The following CCDC3 variants were observed in gnomAD, a reference collection of about 807,000 sequenced individuals.
CCDC3 encodes the protein coiled-coil domain containing 3.
CCDC3 carries 24 observed loss-of-function variants against 21.4 expected under a neutral mutation model. The observed-to-expected ratio is 1.12, with a 90% CI of 0.81 to 1.58. The LOEUF is 1.58. CCDC3 is among the 40% of genes most tolerant of loss of function. CCDC3 has a pLI of 0.00. For missense variants in CCDC3, 425 were observed against 360.9 expected, an observed-to-expected ratio of 1.18 and a Z score of -1.44; for synonymous variants, 186 against 166.0, an observed-to-expected ratio of 1.12 and a Z score of -0.93.
intron 2 of CCDC3, among the ~76,000 whole-genome samples, chr10:12,959,030 T>C (rs2668902): frequency 0.86 from 130,690 of 152,114 alleles, 57,392 homozygotes; most frequent in East Asian, 1. Context: ...CTGACAAAAA[T>C]AGCAGGTGTC....
chr10:13,077,438 G>A (rs1259283557), intron 3 of CCDC3, among the ~76,000 whole-genome samples: 1 of 152,132 alleles, frequency 6.6e-6, no homozygotes, highest in African/African-American at 2.4e-5. Context: ...TACTGCCCAA[G>A]GTAATTTATA....
intron 2 of CCDC3, among the ~76,000 whole-genome samples, chr10:12,931,209 A>C (rs1184944738): frequency 1.5e-4 from 2 of 13,446 alleles, no homozygotes; most frequent in African/African-American, 1.0e-3. Flanking sequence ...AGACTCTGTC[A>C]AAAAAAAAAA....
At chr10:12,957,854 A>AT (rs1589021371) in intron 2 of CCDC3, among the ~76,000 whole-genome samples, 1 of 151,914 alleles carries the variant, frequency 6.6e-6, no homozygotes, top group Admixed American at 6.6e-5. Flanking sequence ...TTTTTTGTTA[A>AT]TTTTTTTGTG....
chr10:12,964,333 T>A (rs945798857), intron 2 of CCDC3, among the ~76,000 whole-genome samples: 1 of 151,112 alleles, frequency 6.6e-6, no homozygotes. Context: ...GATTACACCA[T>A]TGCACTCCAG....
intron 5 of CCDC3, among the ~76,000 whole-genome samples, chr10:13,045,975 G>C (rs1270064497): frequency 6.6e-6 from 1 of 151,952 alleles, no homozygotes; most frequent in Non-Finnish European, 1.5e-5. Context: ...TGAAATCCCA[G>C]CTACTCAGGA....
intron 2 of CCDC3, among the ~76,000 whole-genome samples, chr10:12,995,455 C>T (rs1002769128): frequency 2.0e-5 from 3 of 152,188 alleles, no homozygotes; most frequent in East Asian, 3.9e-4. Context: ...TTGGCCAGGC[C>T]GGTCTTAAAC....
chr10:12,972,561 A>G lies in CCDC3; in HGVS notation c.549+25777T>C, dbSNP rs1835358759. ...CCAGGCACGATGGCATATGCCTGTAATACCAGCACTTTGGGAGGCCAAAGG... is the reference window on the plus strand; with the variant it reads ...CCAGGCACGATGGCATATGCCTGTAGTACCAGCACTTTGGGAGGCCAAAGG... On this transcript the variant is annotated intron_variant, in intron 2 of 2. Transcript: ENST00000378825. Among the ~76,000 whole-genome samples the G allele has an allele frequency of 2.0e-5, 3 of 152,212 alleles. No individual in the cohort carries two copies. The South Asian group carries it at 6.2e-4, about 31-fold the overall frequency.
chr10:12,958,776 G>A (rs1158182707), intron 2 of CCDC3, among the ~76,000 whole-genome samples: 5 of 152,166 alleles, frequency 3.3e-5, no homozygotes, highest in East Asian at 1.9e-4. Flanking sequence ...CCTCATCCTC[G>A]GCAGGTTCAT....
intron 2 of CCDC3, among the ~76,000 whole-genome samples, chr10:12,971,848 G>A (rs570861193): frequency 2.0e-5 from 3 of 151,888 alleles, no homozygotes; most frequent in South Asian, 4.2e-4. Context: ...CACCATGCCC[G>A]GCTAATTTTT....
At chr10:12,948,502 GCCA>G (rs1258596577) in intron 2 of CCDC3, among the ~76,000 whole-genome samples, 1 of 151,598 alleles carries the variant, frequency 6.6e-6, no homozygotes, top group East Asian at 1.9e-4. Flanking sequence ...CACGGGAGGG[GCCA>G]CCTTCAGCTC....
intron 2 of CCDC3, 128 bp downstream of exon 2, chr10:12,998,210 G>C: frequency 1.1e-6 from 1 of 925,714 alleles, no homozygotes; most frequent in Non-Finnish European, 1.6e-6. Context: ...GAGAGAGAGA[G>C]GGCATACGCT....
At chr10:13,037,033 C>T (rs1267567999) in intron 5 of CCDC3, among the ~76,000 whole-genome samples, 3 of 152,090 alleles carry the variant, frequency 2.0e-5, no homozygotes, top group Admixed American at 6.6e-5. Flanking sequence ...CATTCTCCTG[C>T]CTCAGCCTCC....
chr10:13,018,712 C>T (rs139015171), intron 5 of CCDC3, among the ~76,000 whole-genome samples: 5 of 151,490 alleles, frequency 3.3e-5, no homozygotes, highest in African/African-American at 4.8e-5. Flanking sequence ...GGGAAGACCA[C>T]CTGAGTTCAG....
chr10:13,093,199 C>T (rs113884930), intron 3 of CCDC3, among the ~76,000 whole-genome samples: 1,951 of 152,220 alleles, frequency 0.013, 36 homozygotes, highest in African/African-American at 0.044. Flanking sequence ...CACAGTTCCA[C>T]GTGGCTGGGG....
intron 2 of CCDC3, among the ~76,000 whole-genome samples, chr10:12,906,211 GTTC>G (rs1398214434): frequency 6.6e-6 from 1 of 152,218 alleles, no homozygotes; most frequent in Non-Finnish European, 1.5e-5. Context: ...CAGCAGGGAA[GTTC>G]TTCTGAGGAC....
chr10:12,938,034 C>T (rs1834767578), intron 2 of CCDC3, among the ~76,000 whole-genome samples: 1 of 152,042 alleles, frequency 6.6e-6, no homozygotes, highest in Non-Finnish European at 1.5e-5. Context: ...AAAAGAAGTC[C>T]TCAAACATCT....
chr10:12,930,214 T>C (rs1834617499), intron 2 of CCDC3, among the ~76,000 whole-genome samples: 1 of 152,186 alleles, frequency 6.6e-6, no homozygotes, highest in South Asian at 2.1e-4. Context: ...TCCAGGACAA[T>C]ACGTTGTACA....
At chr10:12,969,375 T>C (rs1473479677) in intron 2 of CCDC3, among the ~76,000 whole-genome samples, 1 of 152,162 alleles carries the variant, frequency 6.6e-6, no homozygotes, top group Non-Finnish European at 1.5e-5. Flanking sequence ...AGTACACCAC[T>C]ATAGAAAACA....
At chr10:13,033,553 C>G (rs947877021) in intron 5 of CCDC3, among the ~76,000 whole-genome samples, 2 of 152,104 alleles carry the variant, frequency 1.3e-5, no homozygotes, top group Non-Finnish European at 2.9e-5. Context: ...AGTGAACAGG[C>G]AACCTACAGA....
Sources: gnomAD v4.1 joint callset for allele counts (sites outside exome capture counted in the v4.1 genomes callset) on GRCh38, gnomAD v4.1.1 for gene constraint, MANE v1.5 for transcripts, NCBI Gene and HGNC (gene_info 2026-07-23, HGNC 2026-07-21) for gene names.